IL33: variants seen among roughly 807,000 people sequenced by gnomAD.
IL33 encodes the protein interleukin-33.
In IL33, 37 loss-of-function variants were observed where a neutral mutation model predicts 27.3. That is an observed-to-expected ratio of 1.36 (90% CI 1.04 to 1.78). The LOEUF is 1.78. Ranked by LOEUF, IL33 falls within the 40% of genes most tolerant of loss-of-function variation. The pLI is 0.00. For synonymous variants in IL33, 132 were observed against 102.9 expected (o/e 1.28, Z -1.71); for missense variants, 406 against 311.4 (o/e 1.30, Z -2.29).
intron 2 of IL33, among the ~76,000 whole-genome samples, chr9:6,248,009 A>C (rs1391072990): frequency 1.3e-5 from 2 of 151,970 alleles, no homozygotes; most frequent in Non-Finnish European, 2.9e-5. Flanking sequence ...TGTTCCCCCC[A>C]GAGTCCACAC....
Position 6,218,656 on chromosome 9 carries a change from G to GTCCCCATATATATATA in IL33, c.-12+2819_-12+2820insATCCCCATATATATAT, listed in dbSNP as rs1554696812. Among the ~76,000 whole-genome samples the GTCCCCATATATATATA allele has an allele frequency of 4.8e-3, 577 of 120,026 alleles. 21 individuals are homozygous for GTCCCCATATATATATA. The highest frequency in any genetic ancestry group is 0.018 in the African/African-American group (537 of 29,864). The allele number at this position is 120,026 out of a possible 152,430, so 78.7% of individuals were successfully genotyped here. On this transcript the variant is annotated intron_variant, in intron 1 of 7. Transcript: ENST00000682010. ...ATATATTTTTTCTCCCTATACATAT[G>GTCCCCATATATATATA]TCCCCATATATATATCCCCATATAT...
At chr9:6,218,255 G>C (rs1351477269) in intron 1 of IL33, among the ~76,000 whole-genome samples, 1 of 152,106 alleles carries the variant, frequency 6.6e-6, no homozygotes, top group African/African-American at 2.4e-5. Flanking sequence ...GATTTCTTAA[G>C]TAACCTAGAT....
Position 6,257,583 on chromosome 9 carries a change from A to G in IL33, c.*1415A>G, listed in dbSNP as rs1480906636. 6.6e-6 allele frequency: 1 copy of G among 152,600 alleles called. No individual in the cohort carries two copies. Among genetic ancestry groups the G allele is most frequent in the Admixed American group, 6.5e-5 (1 of 15,274 alleles). The allele number at this position is 152,600 out of a possible 1,614,324, so 9.5% of individuals were successfully genotyped here. A position where few individuals can be genotyped will look rare whatever the true frequency, so the allele number is the denominator to read the frequency against. On this transcript the variant is annotated 3_prime_UTR_variant, in exon 8 of 8. Transcript: ENST00000682010. The stretch of plus-strand genomic sequence containing the variant: ...TAGTTTTTATTTTAAAGTCTTAGCA[A>G]TTTCTATTACAACTTTTCTTAGACT...
Position 6,254,550 on chromosome 9 carries a change from G to C in IL33, c.609G>C (p.Val203=). 6.4e-7 allele frequency: 1 copy of C among 1,563,802 alleles called. No individual in the cohort carries two copies. Among genetic ancestry groups the C allele is most frequent in the Non-Finnish European group, 8.6e-7 (1 of 1,158,336 alleles). The change falls in exon 7 of 8, where the codon GTG becomes GTC. Residue 203 remains valine (V), a synonymous_variant. Coordinates refer to ENST00000682010, the MANE Select transcript of IL33 (RefSeq NM_033439.4). ...ATGCCAACAACAAGGAACACTCTGT[G>C]GAGGTAAAAAAAAAAAATTTATCTA... is the stretch of plus-strand genomic sequence containing the variant. ...WLHANNKEHS[V]ELHKCEKPLP...
chr9:6,218,899 CATATATATATATATAT>C (rs200982905), intron 1 of IL33, among the ~76,000 whole-genome samples: 1,151 of 22,676 alleles, frequency 0.051, 62 homozygotes, highest in Non-Finnish European at 0.07. Context: ...ATATGTTCTC[CATATATATATATATAT>C]ATATATATAT....
intron 2 of IL33, among the ~76,000 whole-genome samples, chr9:6,247,459 CAGCCATAGTCT>C (rs1341503482): frequency 4.6e-5 from 7 of 152,308 alleles, no homozygotes; most frequent in Non-Finnish European, 8.8e-5. Context: ...GGTTTCCTAT[CAGCCATAGTCT>C]AGTTCTCTGA....
chr9:6,239,584 G>C (rs1587640320), intron 1 of IL33, among the ~76,000 whole-genome samples: 1 of 151,926 alleles, frequency 6.6e-6, no homozygotes, highest in African/African-American at 2.4e-5. Context: ...CTATAGAATA[G>C]CAACCCTTTT....
At chr9:6,246,219 T>G (rs1180891508) in intron 2 of IL33, among the ~76,000 whole-genome samples, 1 of 152,082 alleles carries the variant, frequency 6.6e-6, no homozygotes, top group East Asian at 1.9e-4. Context: ...ATGGTTTGAA[T>G]GTCCCCTCCA....
chr9:6,241,614 C>T (rs1587644659), intron 1 of IL33, 70 bp from the exon 2 acceptor site: 1 of 853,250 alleles, frequency 1.2e-6, no homozygotes, highest in South Asian at 1.7e-5. Context: ...TGGTAGTGAG[C>T]TAGCCACAGT....
Position 6,254,285 on chromosome 9 carries a change from A to T in IL33, c.521-177A>T, listed in dbSNP as rs141779363. On this transcript the variant is annotated intron_variant, in intron 6 of 7. Transcript: ENST00000682010. ...ACTAATTTCTCTCCGGTTTATAAGT[A>T]CCCTCTACTTATCAGTGCCTCTTGA... Among the ~76,000 whole-genome samples the T allele has an allele frequency of 9.8e-5, 15 of 152,304 alleles. No homozygotes were observed. The East Asian group carries it at 2.9e-3, about 29-fold the overall frequency.
chr9:6,234,063 G>A (rs1295658834), intron 1 of IL33, among the ~76,000 whole-genome samples: 1 of 151,970 alleles, frequency 6.6e-6, no homozygotes, highest in African/African-American at 2.4e-5. Flanking sequence ...TCTTTTTTCT[G>A]CTTCTCTGTC....
In IL33 at chr9:6,255,892, T is replaced by A. The variant is rs1816697219; in HGVS notation, c.613-76T>A. 1.2e-5 allele frequency: 14 copies of A among 1,176,674 alleles called. 2 individuals are homozygous for A. The South Asian group carries it at 1.8e-4, about 15-fold the overall frequency. The allele number at this position is 1,176,674 out of a possible 1,614,324, so 72.9% of individuals were successfully genotyped here. On this transcript the variant is annotated intron_variant, in intron 7 of 7. Transcript: ENST00000682010. ...GTCATAAATAAGTATTCCCCTTTAGTTTCCAATACAGGCAGGTAAAGTTGA... is the reference window on the plus strand; with the variant it reads ...GTCATAAATAAGTATTCCCCTTTAGATTCCAATACAGGCAGGTAAAGTTGA...
chr9:6,255,469 TACTC>T (rs1022820479), intron 7 of IL33, among the ~76,000 whole-genome samples: 2 of 152,162 alleles, frequency 1.3e-5, no homozygotes, highest in Admixed American at 1.3e-4. Flanking sequence ...TTTTATTTAA[TACTC>T]ACAGTAACTC....
intron 1 of IL33, among the ~76,000 whole-genome samples, chr9:6,216,185 C>T (rs1019524157): frequency 6.6e-6 from 1 of 152,136 alleles, no homozygotes; most frequent in Non-Finnish European, 1.5e-5. Flanking sequence ...GGCTGGAGCA[C>T]AGTGGCGTGA....
intron 1 of IL33, among the ~76,000 whole-genome samples, chr9:6,235,101 T>C (rs566862643): frequency 6.6e-6 from 1 of 152,340 alleles, no homozygotes; most frequent in African/African-American, 2.4e-5. Flanking sequence ...TGGAGTATAG[T>C]GCTATCAGAG....
chr9:6,217,261 A>G (rs1479358799), intron 1 of IL33, among the ~76,000 whole-genome samples: 1 of 152,092 alleles, frequency 6.6e-6, no homozygotes, highest in Non-Finnish European at 1.5e-5. Flanking sequence ...GAAGTTGCAA[A>G]TCTTGTGACC....
At chr9:6,252,668 A>G (rs545059961) in intron 4 of IL33, among the ~76,000 whole-genome samples, 198 bp from the exon 5 acceptor site, 1 of 152,280 alleles carries the variant, frequency 6.6e-6, no homozygotes, top group East Asian at 1.9e-4. Flanking sequence ...TTCATGCAGG[A>G]CACTAGCACC....
chr9:6,218,899 CATATATATATATATATATAT>C (rs200982905), intron 1 of IL33, among the ~76,000 whole-genome samples: 728 of 22,676 alleles, frequency 0.032, 53 homozygotes, highest in Admixed American at 0.052. Context: ...ATATGTTCTC[CATATATATATATATATATAT>C]ATATATATAT....
rs776984719 is a variant in IL33, at chr9:6,254,543, ACT to A, written c.605_606del (p.Ser202CysfsTer5). On this transcript the variant is annotated frameshift_variant, in exon 7 of 8. Coordinates refer to ENST00000682010, the MANE Select transcript of IL33 (RefSeq NM_033439.4). LOFTEE classifies it low-confidence loss of function (END_TRUNC). ...TGGTTGCATGCCAACAACAAGGAAC[ACT>A]CTGTGGAGGTAAAAAAAAAAAATTT... The A allele has an allele frequency of 6.3e-7, 1 of 1,582,292 alleles. No individual in the cohort carries two copies.
Sources: allele counts gnomAD v4.1 joint callset (sites outside exome capture counted in the v4.1 genomes callset), GRCh38; gene constraint gnomAD v4.1.1; transcripts MANE v1.5; gene names NCBI Gene and HGNC (gene_info 2026-07-23, HGNC 2026-07-21).